The following ZNF385D variants were observed in gnomAD, a reference collection of about 807,000 sequenced individuals.
The protein encoded by ZNF385D is zinc finger protein 659.
ZNF385D carries 15 observed loss-of-function variants against 35.8 expected under a neutral mutation model. The ratio of observed to expected loss-of-function variants is 0.42; its 90% confidence interval spans 0.28 to 0.64. The LOEUF (loss-of-function observed/expected upper bound fraction) is 0.64. Among genes scored for constraint, ZNF385D ranks in the 30% least tolerant of loss-of-function variants. The pLI, the probability that ZNF385D is intolerant of heterozygous loss-of-function variation, is 0.23. For missense variants in ZNF385D, 474 were observed against 494.6 expected, an observed-to-expected ratio of 0.96 and a Z score of 0.39; for synonymous variants, 212 against 186.8, an observed-to-expected ratio of 1.13 and a Z score of -1.10.
chr3:21,601,312 C>T lies in ZNF385D; in HGVS notation c.166-36628G>A, dbSNP rs528971269. On this transcript the variant is annotated intron_variant, in intron 2 of 7. Coordinates refer to ENST00000281523, the MANE Select transcript of ZNF385D (RefSeq NM_024697.3). Reference sequence around the variant, plus strand: ...GACAGATCTGAATTCTTCCTGCTGACTCATTTGCATGAATGAAGTAAAACA... The same window carrying T: ...GACAGATCTGAATTCTTCCTGCTGATTCATTTGCATGAATGAAGTAAAACA... Among the ~76,000 whole-genome samples the T allele has an allele frequency of 3.3e-5, 5 of 152,278 alleles. No individual in the cohort carries two copies. The East Asian group carries it at 9.7e-4, about 29-fold the overall frequency.
intron 1 of ZNF385D, among the ~76,000 whole-genome samples, chr3:21,673,529 A>G (rs1169350088): frequency 1.3e-5 from 2 of 152,086 alleles, no homozygotes; most frequent in Non-Finnish European, 2.9e-5. Flanking sequence ...GATTGAGGAG[A>G]AGAGTTTTCT....
chr3:22,007,966 C>T (rs1236720467), intron 3 of ZNF385D, among the ~76,000 whole-genome samples: 1 of 151,910 alleles, frequency 6.6e-6, no homozygotes. Context: ...TACCTATGTA[C>T]AAATGAGTTG....
At chr3:21,943,187 G>A (rs1701615086) in intron 3 of ZNF385D, among the ~76,000 whole-genome samples, 2 of 151,898 alleles carry the variant, frequency 1.3e-5, no homozygotes, top group African/African-American at 4.8e-5. Flanking sequence ...CTAGCTTATA[G>A]TGAAAAAAGG....
intron 2 of ZNF385D, among the ~76,000 whole-genome samples, chr3:22,245,528 C>G (rs2125320745): frequency 6.6e-6 from 1 of 150,836 alleles, no homozygotes; most frequent in East Asian, 1.9e-4. Context: ...GTAGGGAGCG[C>G]ATTTCCTATT....
At chr3:21,856,682 A>G (rs902733409) in intron 3 of ZNF385D, among the ~76,000 whole-genome samples, 1 of 152,044 alleles carries the variant, frequency 6.6e-6, no homozygotes, top group African/African-American at 2.4e-5. Flanking sequence ...CCAAGCCACC[A>G]TCATCTCTTG....
chr3:21,859,520 C>T (rs369848829), intron 3 of ZNF385D, among the ~76,000 whole-genome samples: 1 of 151,748 alleles, frequency 6.6e-6, no homozygotes, highest in African/African-American at 2.4e-5. Context: ...ATCAGAGGCC[C>T]GTGGAATAGA....
At chr3:22,141,767 A>G (rs1008328882) in intron 3 of ZNF385D, among the ~76,000 whole-genome samples, 3 of 152,210 alleles carry the variant, frequency 2.0e-5, no homozygotes, top group Non-Finnish European at 4.4e-5. Flanking sequence ...CTGAATTTAC[A>G]GTGATCTAAT....
intron 3 of ZNF385D, among the ~76,000 whole-genome samples, chr3:21,559,144 T>C (rs1010782086): frequency 1.3e-5 from 2 of 152,282 alleles, no homozygotes; most frequent in Non-Finnish European, 1.5e-5. Context: ...TGTCTTTTAA[T>C]TGGGGCATCT....
chr3:21,780,942 G>C (rs1261793327), intron 3 of ZNF385D, among the ~76,000 whole-genome samples: 1 of 151,978 alleles, frequency 6.6e-6, no homozygotes, highest in African/African-American at 2.4e-5. Flanking sequence ...TCTTCATAAG[G>C]CATCAACATA....
rs185250891 is a variant in ZNF385D at position 22,027,335 on chromosome 3, C to G, written c.325+141482G>C. 8.9e-4 allele frequency among the ~76,000 whole-genome samples: 136 copies of G among 152,318 alleles called. 2 individuals are homozygous for G. The highest frequency in any genetic ancestry group is 7.6e-3 in the Admixed American group (116 of 15,298). Reference sequence around the variant, plus strand: ...ATGGGGTCCCGAACAGGGGAAGGTTCTGCAACAGCTCCAGGCTGCTGTGCA... The same window carrying G: ...ATGGGGTCCCGAACAGGGGAAGGTTGTGCAACAGCTCCAGGCTGCTGTGCA... On this transcript the variant is annotated intron_variant, in intron 3 of 5. Coordinates refer to the ZNF385D transcript ENST00000494108.
At chr3:22,081,742 A>G (rs919605566) in intron 3 of ZNF385D, among the ~76,000 whole-genome samples, 1 of 152,198 alleles carries the variant, frequency 6.6e-6, no homozygotes, top group Non-Finnish European at 1.5e-5. Flanking sequence ...GTTATGACAA[A>G]GACTCTATTG....
intron 1 of ZNF385D, among the ~76,000 whole-genome samples, chr3:21,744,592 A>G (rs116263804): frequency 0.016 from 2,484 of 152,286 alleles, 60 homozygotes; most frequent in African/African-American, 0.057. Flanking sequence ...AAATTCACTT[A>G]AGCAAAGTGA....
chr3:22,257,420 T>G (rs1238011088), intron 2 of ZNF385D, among the ~76,000 whole-genome samples: 1 of 151,852 alleles, frequency 6.6e-6, no homozygotes, highest in Non-Finnish European at 1.5e-5. Flanking sequence ...TTCATATGAT[T>G]GCATCTTCTT....
At chr3:21,673,120 G>A (rs2066624611) in intron 1 of ZNF385D, among the ~76,000 whole-genome samples, 1 of 151,964 alleles carries the variant, frequency 6.6e-6, no homozygotes. Flanking sequence ...CCCTCCAGAG[G>A]AATTTCTTAA....
rs560011073 is a variant in ZNF385D at position 21,666,611 on chromosome 3, AGTTT to A, written c.23-1587_23-1584del. Among the ~76,000 whole-genome samples, 549 of 152,314 alleles carry A rather than the reference AGTTT, an allele frequency of 3.6e-3. 2 individuals carry two copies. The highest frequency in any genetic ancestry group is 0.013 in the African/African-American group (526 of 41,574). Reference sequence around the variant, plus strand: ...ACCAGAGCACACACACTATAAACTTAGTTTATTGTCCACTTGGTAGTGTATTGAG... The same window carrying A: ...ACCAGAGCACACACACTATAAACTTAATTGTCCACTTGGTAGTGTATTGAG... On this transcript the variant is annotated intron_variant, in intron 1 of 7. Transcript: ENST00000281523.
At chr3:22,344,190 G>GTGTGTGTGTC (rs1250141270) in intron 2 of ZNF385D, among the ~76,000 whole-genome samples, 1 of 151,642 alleles carries the variant, frequency 6.6e-6, no homozygotes, top group Non-Finnish European at 1.5e-5. Context: ...GTGTGTGTGT[G>GTGTGTGTGTC]TGTGTGTGTG....
chr3:21,451,237 T>G (rs1038608767), intron 4 of ZNF385D, among the ~76,000 whole-genome samples: 1 of 152,046 alleles, frequency 6.6e-6, no homozygotes, highest in Admixed American at 6.6e-5. Flanking sequence ...TCTGTTTCTA[T>G]TGAAGAATAT....
chr3:22,325,319 T>C (rs1694626523), intron 2 of ZNF385D, among the ~76,000 whole-genome samples: 1 of 152,216 alleles, frequency 6.6e-6, no homozygotes, highest in Admixed American at 6.5e-5. Flanking sequence ...TGCTTCTTTG[T>C]ATTTATTTTA....
At chr3:21,586,634 G>T (rs185705245) in intron 2 of ZNF385D, among the ~76,000 whole-genome samples, 21 of 152,316 alleles carry the variant, frequency 1.4e-4, no homozygotes, top group Admixed American at 1.2e-3. Context: ...ATGTAGGCTT[G>T]CAAGAAGGAT....
Sources: gnomAD v4.1 joint callset for allele counts (sites outside exome capture counted in the v4.1 genomes callset) on GRCh38, gnomAD v4.1.1 for gene constraint, MANE v1.5 for transcripts, NCBI Gene and HGNC (gene_info 2026-07-23, HGNC 2026-07-21) for gene names.